Variants in SPAG16 observed in about 807,000 individuals in gnomAD.
The protein encoded by SPAG16 is sperm-associated antigen 16 protein.
A neutral mutation model predicts 80.4 loss-of-function variants in SPAG16; 86 were observed. That is an observed-to-expected ratio of 1.07 (90% CI 0.90 to 1.28). The LOEUF is 1.28. Among genes scored for constraint, SPAG16 ranks in the 50% most tolerant of loss-of-function variants. The pLI is 0.00. For missense variants in SPAG16, 870 were observed against 765.3 expected (o/e 1.14, Z -1.61); for synonymous variants, 294 against 265.9 (o/e 1.11, Z -1.03).
At chr2:213,493,579 T>G (rs1200529178) in intron 10 of SPAG16, among the ~76,000 whole-genome samples, 3 of 152,068 alleles carry the variant, frequency 2.0e-5, no homozygotes, top group African/African-American at 4.8e-5. Context: ...TGTTTGTTTG[T>G]TTGTTTTGTT....
rs562539911 is a variant in SPAG16 at position 213,793,117 on chromosome 2, G to T, written c.1071-69368G>T. Among the ~76,000 whole-genome samples the T allele has an allele frequency of 2.6e-5, 4 of 151,770 alleles. No homozygotes were observed. In the South Asian group the frequency reaches 8.4e-4, roughly 32 times the overall value. Reference sequence around the variant, plus strand: ...AATTTTTGTTATTTTTAGTACAGACGGGGTTTCACCATGTTGGTCAGGCTG... The same window carrying T: ...AATTTTTGTTATTTTTAGTACAGACTGGGTTTCACCATGTTGGTCAGGCTG... On this transcript the variant is annotated intron_variant, in intron 10 of 15. Transcript: ENST00000331683.
chr2:213,926,714 G>A (rs888437928), intron 11 of SPAG16, among the ~76,000 whole-genome samples: 1 of 151,648 alleles, frequency 6.6e-6, no homozygotes, highest in African/African-American at 2.4e-5. Flanking sequence ...TTTACTTATA[G>A]TTATATTTTG....
At chr2:214,301,853 T>G (rs1032785819) in intron 15 of SPAG16, among the ~76,000 whole-genome samples, 2 of 152,268 alleles carry the variant, frequency 1.3e-5, no homozygotes, top group Middle Eastern at 6.8e-3. Flanking sequence ...TTTAGTTCCT[T>G]GAGGTGCAAC....
chr2:213,752,372 A>G (rs957787354), intron 10 of SPAG16, among the ~76,000 whole-genome samples: 6 of 152,148 alleles, frequency 3.9e-5, no homozygotes, highest in African/African-American at 1.4e-4. Context: ...TCTTTGTAAG[A>G]TATTATCAGT....
chr2:213,585,257 AC>A (rs2060429187), intron 10 of SPAG16, among the ~76,000 whole-genome samples: 1 of 147,260 alleles, frequency 6.8e-6, no homozygotes, highest in South Asian at 2.2e-4. Flanking sequence ...AGATTTCCTG[AC>A]TTTTACATAT....
intron 10 of SPAG16, among the ~76,000 whole-genome samples, chr2:213,554,620 TTAAA>T (rs2059366617): frequency 6.6e-6 from 1 of 151,846 alleles, no homozygotes; most frequent in Non-Finnish European, 1.5e-5. Flanking sequence ...AATAATTCAA[TTAAA>T]TAAGAAAAAT....
intron 9 of SPAG16, among the ~76,000 whole-genome samples, chr2:213,475,202 A>G (rs913077981): frequency 2.6e-5 from 4 of 152,106 alleles, no homozygotes; most frequent in African/African-American, 7.2e-5. Context: ...GCCTCTATAT[A>G]ACTGTCCGGG....
chr2:213,417,873 T>C (rs1287611829), intron 9 of SPAG16, among the ~76,000 whole-genome samples: 10 of 118,172 alleles, frequency 8.5e-5, no homozygotes, highest in South Asian at 7.2e-4. Context: ...TTATTGTGTT[T>C]CAATTTTTTT....
chr2:214,049,613 G>A (rs1176101989), intron 13 of SPAG16, among the ~76,000 whole-genome samples: 4 of 152,182 alleles, frequency 2.6e-5, no homozygotes, highest in Non-Finnish European at 5.9e-5. Context: ...ATACCATATA[G>A]TATTATTTTT....
At chr2:214,136,860 T>A (rs551174041) in intron 14 of SPAG16, among the ~76,000 whole-genome samples, 76 of 152,196 alleles carry the variant, frequency 5.0e-4, no homozygotes, top group Non-Finnish European at 9.7e-4. Context: ...ATTTTCCTCC[T>A]AATGAGCCTA....
chr2:214,346,454 C>G (rs1315890362), intron 15 of SPAG16, among the ~76,000 whole-genome samples: 1 of 152,134 alleles, frequency 6.6e-6, no homozygotes, highest in Non-Finnish European at 1.5e-5. Flanking sequence ...ATCTTGGTGA[C>G]AAGTTCTTTG....
At position 214,248,958 on chromosome 2, in the gene SPAG16, C is replaced by T. The variant is rs1292948764; in HGVS notation, c.1720+99692C>T. ...ACCACAGCAGATAAAAGTTTTAAGG[C>T]AAGAATAGTTTTGGCATACTTGAAA... On this transcript the variant is annotated intron_variant, in intron 15 of 15. Transcript: ENST00000331683. Among the ~76,000 whole-genome samples the T allele has an allele frequency of 2.0e-5, 3 of 151,964 alleles. No homozygotes were observed. In the East Asian group the frequency reaches 5.8e-4, roughly 29 times the overall value.
At chr2:213,709,127 T>C (rs998569835) in intron 10 of SPAG16, among the ~76,000 whole-genome samples, 7 of 152,192 alleles carry the variant, frequency 4.6e-5, no homozygotes, top group African/African-American at 1.7e-4. Context: ...CAGTGCACCA[T>C]TGGCATTGAA....
At chr2:213,775,640 C>T (rs1039261681) in intron 10 of SPAG16, among the ~76,000 whole-genome samples, 3 of 152,154 alleles carry the variant, frequency 2.0e-5, no homozygotes, top group Non-Finnish European at 4.4e-5. Flanking sequence ...TTTCCCATCC[C>T]CTCAGTCCCT....
intron 5 of SPAG16, chr2:213,318,026 C>G (rs1290472637): frequency 6.6e-6 from 1 of 152,014 alleles, no homozygotes; most frequent in Non-Finnish European, 1.5e-5. Context: ...ACATTCCCAC[C>G]AACCATGTAT....
At chr2:213,511,164 G>GA (rs1383307416) in intron 10 of SPAG16, among the ~76,000 whole-genome samples, 4 of 122,970 alleles carry the variant, frequency 3.3e-5, no homozygotes, top group Non-Finnish European at 7.1e-5. Flanking sequence ...TTGGTATTCA[G>GA]ATTTTACACA....
At chr2:213,707,877 A>G (rs1288545562) in intron 10 of SPAG16, among the ~76,000 whole-genome samples, 2 of 152,150 alleles carry the variant, frequency 1.3e-5, no homozygotes, top group African/African-American at 4.8e-5. Context: ...ATGTGTGATA[A>G]TACTGGTAAT....
chr2:213,974,964 A>AAAAAAC (rs1479884791), intron 12 of SPAG16, among the ~76,000 whole-genome samples: 5 of 147,688 alleles, frequency 3.4e-5, no homozygotes, highest in African/African-American at 1.3e-4. Context: ...AAAAAAAAAA[A>AAAAAAC]ACACAAAATG....
intron 10 of SPAG16, among the ~76,000 whole-genome samples, chr2:213,695,514 G>A (rs1208796337): frequency 1.3e-5 from 2 of 152,158 alleles, no homozygotes; most frequent in Admixed American, 6.5e-5. Flanking sequence ...TCAGAAAGAC[G>A]TTCCACTGAA....
Sources: gnomAD v4.1 joint callset for allele counts (sites outside exome capture counted in the v4.1 genomes callset) on GRCh38, gnomAD v4.1.1 for gene constraint, MANE v1.5 for transcripts, NCBI Gene and HGNC (gene_info 2026-07-23, HGNC 2026-07-21) for gene names.